The following PLCB4 variants were observed in gnomAD, a reference collection of about 807,000 sequenced individuals.
The protein encoded by PLCB4 is phospholipase C beta 4.
PLCB4 carries 77 observed loss-of-function variants against 178.8 expected under a neutral mutation model. The ratio of observed to expected loss-of-function variants is 0.43; its 90% CI spans 0.36 to 0.52. PLCB4 has a LOEUF of 0.52. Ranked by LOEUF, PLCB4 falls within the 20% of genes least tolerant of loss-of-function variation. PLCB4 has a pLI of 0.00. For missense variants in PLCB4, 1,024 were observed against 1,453.4 expected (o/e 0.70, Z 4.80); for synonymous variants, 496 against 490.8 (o/e 1.01, Z -0.14).
At chr20:9,177,599 A>G (rs543506961) in intron 2 of PLCB4, among the ~76,000 whole-genome samples, 1 of 152,296 alleles carries the variant, frequency 6.6e-6, no homozygotes, top group East Asian at 1.9e-4. Context: ...AGTGTTGGAA[A>G]AGGGGTGTAG....
chr20:9,157,116 G>GTAACT (rs2092805374), intron 2 of PLCB4, among the ~76,000 whole-genome samples: 1 of 151,334 alleles, frequency 6.6e-6, no homozygotes, highest in Non-Finnish European at 1.5e-5. Context: ...TTAATATGAA[G>GTAACT]TAACTTCCCC....
At chr20:9,471,229 A>G (rs1042372692) in intron 36 of PLCB4, among the ~76,000 whole-genome samples, 7 of 152,218 alleles carry the variant, frequency 4.6e-5, no homozygotes, top group African/African-American at 1.7e-4. Flanking sequence ...CTAACCACTC[A>G]AAGAGAATAT....
intron 28 of PLCB4, among the ~76,000 whole-genome samples, chr20:9,426,415 G>A (rs1289760725): frequency 6.6e-6 from 1 of 151,946 alleles, no homozygotes; most frequent in Non-Finnish European, 1.5e-5. Context: ...TTTTGCTCTT[G>A]TCACCCAGGC....
chr20:9,478,239 G>A (rs2044683638), intron 39 of PLCB4, among the ~76,000 whole-genome samples: 1 of 152,006 alleles, frequency 6.6e-6, no homozygotes, highest in Non-Finnish European at 1.5e-5. Context: ...GTGACAATCT[G>A]AACTCATGAG....
chr20:9,147,014 G>T (rs2092610013), intron 2 of PLCB4, among the ~76,000 whole-genome samples: 1 of 152,090 alleles, frequency 6.6e-6, no homozygotes, highest in African/African-American at 2.4e-5. Flanking sequence ...AAGGTGTTTT[G>T]TTAATTTGCT....
intron 3 of PLCB4, among the ~76,000 whole-genome samples, chr20:9,282,228 A>G (rs1454081394): frequency 6.6e-6 from 1 of 152,034 alleles, no homozygotes; most frequent in Non-Finnish European, 1.5e-5. Flanking sequence ...AAGATTCTCT[A>G]ATCATCTGTG....
chr20:9,290,871 TAAAAC>T (rs2094574245), intron 3 of PLCB4, among the ~76,000 whole-genome samples: 1 of 152,112 alleles, frequency 6.6e-6, no homozygotes, highest in Non-Finnish European at 1.5e-5. Flanking sequence ...ATCACAGAGA[TAAAAC>T]TAATATAAGC....
rs116488057 is a variant in PLCB4, at chr20:9,107,978, G to A, written c.-79+11636G>A. On this transcript the variant is annotated intron_variant, in intron 2 of 39. Transcript: ENST00000378473. ...AGTAGGATTTGATCATGGATTCCAC[G>A]TAAGGTATGAGGAAGGAAGAGGTGG... is the stretch of plus-strand genomic sequence containing the variant. 4.1e-3 allele frequency among the ~76,000 whole-genome samples: 622 copies of A among 152,214 alleles called. 5 individuals are homozygous for A. The highest frequency in any genetic ancestry group is 0.012 in the African/African-American group (491 of 41,544).
chr20:9,433,442 G>A (rs867322364), intron 28 of PLCB4, among the ~76,000 whole-genome samples: 13 of 152,122 alleles, frequency 8.5e-5, no homozygotes, highest in African/African-American at 2.4e-4. Flanking sequence ...AAAGAATTAC[G>A]CCAATTTTGT....
At chr20:9,421,579 C>T (rs1032850035) in intron 27 of PLCB4, 118 bp downstream of exon 27, 24 of 773,228 alleles carry the variant, frequency 3.1e-5, no homozygotes, top group Admixed American at 4.5e-5. Context: ...TTTTTCTCTT[C>T]TCCTAATGGC....
At chr20:9,378,880 A>G (rs980254775) in intron 12 of PLCB4, among the ~76,000 whole-genome samples, 2 of 152,178 alleles carry the variant, frequency 1.3e-5, no homozygotes, top group Admixed American at 6.5e-5. Flanking sequence ...CATTCTGTGT[A>G]TAGCTCACTT....
intron 2 of PLCB4, among the ~76,000 whole-genome samples, chr20:9,123,107 G>A (rs115910109): frequency 0.027 from 4,118 of 152,006 alleles, 183 homozygotes; most frequent in African/African-American, 0.093. Context: ...CTTTACTAAG[G>A]TATTTATTAA....
intron 2 of PLCB4, among the ~76,000 whole-genome samples, chr20:9,183,193 A>T (rs1393943048): frequency 6.6e-6 from 1 of 151,982 alleles, no homozygotes; most frequent in East Asian, 1.9e-4. Context: ...CCTGGGGCTC[A>T]CCTATCTCGT....
intron 1 of PLCB4, among the ~76,000 whole-genome samples, chr20:9,071,419 CT>C (rs778532571): frequency 6.6e-6 from 1 of 152,148 alleles, no homozygotes; most frequent in Non-Finnish European, 1.5e-5. Context: ...TGGTATTCAT[CT>C]TTACCTCACC....
At chr20:9,322,337 T>G (rs1043214060) in intron 4 of PLCB4, among the ~76,000 whole-genome samples, 1 of 152,164 alleles carries the variant, frequency 6.6e-6, no homozygotes, top group African/African-American at 2.4e-5. Flanking sequence ...TTTCTTTCAA[T>G]TGATGGACAT....
intron 1 of PLCB4, among the ~76,000 whole-genome samples, chr20:9,089,381 A>G (rs534848038): frequency 6.6e-6 from 1 of 152,230 alleles, no homozygotes; most frequent in East Asian, 1.9e-4. Context: ...AATATTGGAA[A>G]ATAACTTAAA....
chr20:9,473,187 TTAAATTA>T, intron 37 of PLCB4, 85 bp from the exon 38 acceptor site: 2 of 725,904 alleles, frequency 2.8e-6, no homozygotes, highest in East Asian at 5.7e-5. Context: ...TCTCTTTCAC[TTAAATTA>T]TAAAGTTACA....
At chr20:9,348,816 C>G (rs1372871826) in intron 7 of PLCB4, among the ~76,000 whole-genome samples, 4 of 152,102 alleles carry the variant, frequency 2.6e-5, no homozygotes, top group African/African-American at 9.7e-5. Flanking sequence ...ATTTTGTCAC[C>G]TGTATCAGTG....
intron 3 of PLCB4, among the ~76,000 whole-genome samples, chr20:9,281,439 A>T (rs1389302665): frequency 2.0e-5 from 3 of 152,024 alleles, no homozygotes; most frequent in Admixed American, 2.0e-4. Flanking sequence ...TCTGTAGGCT[A>T]GGCATATTAA....
Sources: allele counts gnomAD v4.1 joint callset (sites outside exome capture counted in the v4.1 genomes callset), GRCh38; gene constraint gnomAD v4.1.1; transcripts MANE v1.5; gene names NCBI Gene and HGNC (gene_info 2026-07-23, HGNC 2026-07-21).